The following CTNNA2 variants were observed in gnomAD, a reference collection of about 807,000 sequenced individuals.
CTNNA2 encodes the protein catenin alpha-2.
In CTNNA2, 42 loss-of-function variants were observed where a neutral mutation model predicts 101.0. That is an observed-to-expected ratio of 0.42 (90% confidence interval 0.32 to 0.54). CTNNA2 has a LOEUF of 0.54. Among genes scored for constraint, CTNNA2 ranks in the 20% least tolerant of loss-of-function variants. The pLI is 0.14. For missense variants in CTNNA2, 871 were observed against 1,223.1 expected, an observed-to-expected ratio of 0.71 and a Z score of 4.29; for synonymous variants, 450 against 456.4, an observed-to-expected ratio of 0.99 and a Z score of 0.18.
chr2:80,469,727 G>T (rs141784853), intron 9 of CTNNA2, among the ~76,000 whole-genome samples: 1 of 152,080 alleles, frequency 6.6e-6, no homozygotes, highest in Non-Finnish European at 1.5e-5. Flanking sequence ...ACCTTATGGG[G>T]GGTATAGTCT....
At chr2:80,572,062 G>C (rs1307432208) in intron 12 of CTNNA2, among the ~76,000 whole-genome samples, 1 of 151,990 alleles carries the variant, frequency 6.6e-6, no homozygotes, top group Non-Finnish European at 1.5e-5. Context: ...ACAGGGAGTG[G>C]ATTTTACTAG....
chr2:80,553,723 T>G (rs1403934200), intron 11 of CTNNA2, among the ~76,000 whole-genome samples: 1 of 152,164 alleles, frequency 6.6e-6, no homozygotes, highest in Non-Finnish European at 1.5e-5. Flanking sequence ...TTACTTACTC[T>G]CAAGGGCCAG....
chr2:79,899,268 A>G (rs2164051), intron 6 of CTNNA2, among the ~76,000 whole-genome samples: 43,020 of 152,096 alleles, frequency 0.28, 6,570 homozygotes, highest in East Asian at 0.59. Context: ...TCACTTTCTA[A>G]TCAATTCATA....
At chr2:79,674,123 T>G (rs931359952) in intron 2 of CTNNA2, among the ~76,000 whole-genome samples, 25 of 152,302 alleles carry the variant, frequency 1.6e-4, no homozygotes, top group Admixed American at 1.2e-3. Context: ...TTTTAAAAAA[T>G]TGCTCTGCAC....
At chr2:80,054,026 A>G (rs1697051952) in intron 7 of CTNNA2, among the ~76,000 whole-genome samples, 1 of 152,260 alleles carries the variant, frequency 6.6e-6, no homozygotes, top group Non-Finnish European at 1.5e-5. Flanking sequence ...TGAACCATAC[A>G]GTGGGCAAAC....
At chr2:80,396,538 C>G (rs768135424) in intron 8 of CTNNA2, among the ~76,000 whole-genome samples, 1 of 152,170 alleles carries the variant, frequency 6.6e-6, no homozygotes, top group African/African-American at 2.4e-5. Flanking sequence ...CTGTCCATCC[C>G]CCAGAGAAGA....
At position 80,639,300 on chromosome 2, in the gene CTNNA2, C is replaced by A. The variant is rs146749245; in HGVS notation, c.2575-8285C>A. Among the ~76,000 whole-genome samples, 1,486 of 152,206 alleles carry A rather than the reference C, an allele frequency of 9.8e-3. 22 individuals are homozygous for A. The highest frequency in any genetic ancestry group is 0.034 in the African/African-American group (1,396 of 41,512). ...TCTCAGCTCACTACAACCTCCGCCT[C>A]CTGGGTTCAAGTGATTCTCCTGCCT... On this transcript the variant is annotated intron_variant, in intron 18 of 18. Transcript: ENST00000402739.
intron 7 of CTNNA2, among the ~76,000 whole-genome samples, chr2:79,991,510 G>T (rs995349563): frequency 6.6e-6 from 1 of 152,082 alleles, no homozygotes; most frequent in Non-Finnish European, 1.5e-5. Context: ...TACCCAGCTC[G>T]CAGAGTTGTT....
Position 79,498,655 on chromosome 2 carries a change from C to A in CTNNA2, c.-134-6399C>A, listed in dbSNP as rs553809358. ...TTCATAATTACCCCCAGATTAAATT[C>A]TATCTGCATATTCTGAATGGCATGG... On this transcript the variant is annotated intron_variant, in intron 4 of 21. Transcript: ENST00000466387. 5.9e-5 allele frequency among the ~76,000 whole-genome samples: 9 copies of A among 152,168 alleles called. No individual in the cohort carries two copies. The East Asian group carries it at 1.5e-3, about 26-fold the overall frequency.
intron 9 of CTNNA2, among the ~76,000 whole-genome samples, chr2:80,536,924 T>A (rs1691083783): frequency 6.6e-6 from 1 of 152,256 alleles, no homozygotes; most frequent in Non-Finnish European, 1.5e-5. Context: ...CTATACATTT[T>A]ACTTTAACTT....
intron 3 of CTNNA2, among the ~76,000 whole-genome samples, chr2:79,325,157 C>CA (rs1440269686): frequency 6.6e-6 from 1 of 151,898 alleles, no homozygotes. Flanking sequence ...GAGAGTGTAT[C>CA]AAAAAAGAAG....
rs189463046 is a variant in CTNNA2, at chr2:79,556,998, A to G, written c.-6+43791A>G. On this transcript the variant is annotated intron_variant, in intron 1 of 18. Transcript: ENST00000402739. ...GATTCTTAAAGATCTTCAGAGAAGG[A>G]AATTCTACAGCCTTTTTGGGCAGCC... Among the ~76,000 whole-genome samples the G allele has an allele frequency of 4.2e-3, 632 of 152,108 alleles. 3 individuals are homozygous for G. The highest frequency in any genetic ancestry group is 0.014 in the African/African-American group (594 of 41,540).
At chr2:79,415,967 C>G (rs1438021109) in intron 4 of CTNNA2, among the ~76,000 whole-genome samples, 1 of 146,934 alleles carries the variant, frequency 6.8e-6, no homozygotes, top group Non-Finnish European at 1.5e-5. Flanking sequence ...AACCTCAATT[C>G]TATTTTATTT....
At chr2:79,860,394 G>T (rs148921612) in intron 4 of CTNNA2, among the ~76,000 whole-genome samples, 1 of 152,158 alleles carries the variant, frequency 6.6e-6, no homozygotes, top group African/African-American at 2.4e-5. Flanking sequence ...TAAATCCAGG[G>T]CGATGACGCC....
intron 7 of CTNNA2, among the ~76,000 whole-genome samples, chr2:79,915,170 T>C (rs777416380): frequency 2.9e-5 from 4 of 139,730 alleles, no homozygotes; most frequent in Non-Finnish European, 4.6e-5. Flanking sequence ...AAAAGAAATA[T>C]ATGTTCACTA....
chr2:79,770,813 G>A (rs1673517086), intron 3 of CTNNA2, among the ~76,000 whole-genome samples: 2 of 152,172 alleles, frequency 1.3e-5, no homozygotes, highest in South Asian at 4.1e-4. Flanking sequence ...TTCAAGTTAT[G>A]ACAGCCAGTT....
chr2:79,916,922 TTTTTTTG>T (rs1162749469), intron 7 of CTNNA2, among the ~76,000 whole-genome samples: 4 of 150,986 alleles, frequency 2.6e-5, no homozygotes, highest in Non-Finnish European at 4.4e-5. Context: ...TGTGCCCAGC[TTTTTTTG>T]TTTTTTGTTT....
chr2:80,463,699 T>G (rs994974579), intron 9 of CTNNA2, among the ~76,000 whole-genome samples: 2 of 152,168 alleles, frequency 1.3e-5, no homozygotes, highest in Non-Finnish European at 2.9e-5. Context: ...ACATTAATAG[T>G]CCTGTGAAGT....
chr2:80,190,896 T>A (rs1706458499), intron 7 of CTNNA2, among the ~76,000 whole-genome samples: 3 of 152,188 alleles, frequency 2.0e-5, no homozygotes, highest in African/African-American at 4.8e-5. Context: ...GTCGTTGCTG[T>A]TGATTATTCT....
Sources: allele counts gnomAD v4.1 joint callset (sites outside exome capture counted in the v4.1 genomes callset), GRCh38; gene constraint gnomAD v4.1.1; transcripts MANE v1.5; gene names NCBI Gene and HGNC (gene_info 2026-07-23, HGNC 2026-07-21).